GRM7: variants seen among roughly 807,000 people sequenced by gnomAD.
GRM7 encodes the protein glutamate metabotropic receptor 7.
Under a neutral mutation model 84.5 loss-of-function variants are expected in GRM7, and 35 were observed. The observed-to-expected ratio is 0.41, with a 90% CI of 0.32 to 0.55. The LOEUF (loss-of-function observed/expected upper bound fraction) is 0.55, where lower values mean the gene tolerates loss of function less well. Among genes scored for constraint, GRM7 ranks in the 20% least tolerant of loss-of-function variants. GRM7 has a pLI of 0.19. For missense variants in GRM7, 1,003 were observed against 1,194.6 expected (o/e 0.84, Z 2.36); for synonymous variants, 487 against 455.1 (o/e 1.07, Z -0.89).
At chr3:7,621,622 C>G (rs548333003) in intron 8 of GRM7, among the ~76,000 whole-genome samples, 1 of 152,062 alleles carries the variant, frequency 6.6e-6, no homozygotes, top group African/African-American at 2.4e-5. Flanking sequence ...TTTTAAGATG[C>G]ATCCTCAAAT....
intron 1 of GRM7, among the ~76,000 whole-genome samples, chr3:7,050,538 G>A (rs1051357736): frequency 6.6e-6 from 1 of 151,742 alleles, no homozygotes; most frequent in Non-Finnish European, 1.5e-5. Context: ...TGATGTAATT[G>A]GTCAAGTAGA....
intron 2 of GRM7, among the ~76,000 whole-genome samples, chr3:7,157,389 G>C (rs1336946156): frequency 6.6e-6 from 1 of 151,976 alleles, no homozygotes; most frequent in Non-Finnish European, 1.5e-5. Flanking sequence ...CTCTGTTCTT[G>C]TAGTGCACAT....
chr3:7,231,227 A>G (rs1472912), intron 2 of GRM7, among the ~76,000 whole-genome samples: 55,562 of 152,048 alleles, frequency 0.37, 12,183 homozygotes, highest in Admixed American at 0.52. Flanking sequence ...CTGGACTTCA[A>G]TCAGTTTTCC....
chr3:6,941,923 C>T lies in GRM7; in HGVS notation c.519+80016C>T, dbSNP rs187954207. On this transcript the variant is annotated intron_variant, in intron 1 of 9. Transcript: ENST00000357716. ...TAACTATTGTAAAATTTGACAAGTACCGTTTTAGTCGTATGAACAGAATAG... is the reference window on the plus strand; with the variant it reads ...TAACTATTGTAAAATTTGACAAGTATCGTTTTAGTCGTATGAACAGAATAG... Among the ~76,000 whole-genome samples the T allele has an allele frequency of 6.6e-5, 10 of 152,238 alleles. No homozygotes were observed. In the East Asian group the frequency reaches 1.9e-3, roughly 29 times the overall value.
intron 1 of GRM7, among the ~76,000 whole-genome samples, chr3:7,053,686 T>TG (rs1226892535): frequency 1.3e-5 from 2 of 150,748 alleles, no homozygotes; most frequent in African/African-American, 2.4e-5. Flanking sequence ...GTATGAAGGC[T>TG]TTTTTTTTCT....
intron 1 of GRM7, among the ~76,000 whole-genome samples, chr3:6,882,513 C>T (rs1476754215): frequency 6.6e-6 from 1 of 151,942 alleles, no homozygotes; most frequent in Non-Finnish European, 1.5e-5. Context: ...ACCACTGCCC[C>T]CCGGCCTGGA....
chr3:7,292,926 C>G (rs1041111652), intron 2 of GRM7, among the ~76,000 whole-genome samples: 1 of 149,326 alleles, frequency 6.7e-6, no homozygotes, highest in Non-Finnish European at 1.5e-5. Context: ...CCCAGTTGCT[C>G]GGGGGGCCAA....
Position 7,739,144 on chromosome 3 carries a change from G to A in GRM7, c.2699-1213G>A, listed in dbSNP as rs928315102. Among the ~76,000 whole-genome samples the A allele has an allele frequency of 8.5e-5, 13 of 152,202 alleles. 1 individual carries two copies. Among genetic ancestry groups the A allele is most frequent in the East Asian group, 1.9e-4 (1 of 5,198 alleles). On this transcript the variant is annotated intron_variant, in intron 9 of 9. Coordinates refer to ENST00000357716, the MANE Select transcript of GRM7 (RefSeq NM_000844.4). ...AACAAAAATGAGGCTTCAAGTCAAA[G>A]TTTGTCAGAGAATCCCAATTTTTAA...
chr3:7,128,892 C>T (rs1027601489), intron 1 of GRM7, among the ~76,000 whole-genome samples: 1 of 152,016 alleles, frequency 6.6e-6, no homozygotes, highest in African/African-American at 2.4e-5. Context: ...GAAAAGAGCA[C>T]AGGAACCTCA....
chr3:7,413,992 A>G (rs1487617339), intron 4 of GRM7, among the ~76,000 whole-genome samples: 2 of 152,196 alleles, frequency 1.3e-5, no homozygotes, highest in Non-Finnish European at 2.9e-5. Context: ...AATTAGGCAG[A>G]TGTAGGTCCA....
chr3:7,680,583 T>A, intron 9 of GRM7: 1 of 394,094 alleles, frequency 2.5e-6, no homozygotes, highest in Non-Finnish European at 4.6e-6. Flanking sequence ...AACTGACAAA[T>A]GCACCTATCA....
chr3:7,565,444 C>A (rs562206392), intron 7 of GRM7, among the ~76,000 whole-genome samples: 3 of 152,150 alleles, frequency 2.0e-5, no homozygotes, highest in Non-Finnish European at 4.4e-5. Flanking sequence ...GAAGAGGTAT[C>A]TTTATGAATA....
Position 7,596,540 on chromosome 3 carries a change from T to A in GRM7, c.2451+17183T>A, listed in dbSNP as rs538430615. Reference sequence around the variant, plus strand: ...GTAGCAAAGGAGCTGAAAATGAATATCATAATAGAGAAGAGGGTAAATGGG... The same window carrying A: ...GTAGCAAAGGAGCTGAAAATGAATAACATAATAGAGAAGAGGGTAAATGGG... On this transcript the variant is annotated intron_variant, in intron 8 of 9. Coordinates refer to ENST00000357716, the MANE Select transcript of GRM7 (RefSeq NM_000844.4). 3.3e-5 allele frequency among the ~76,000 whole-genome samples: 5 copies of A among 152,094 alleles called. No homozygotes were observed. In the East Asian group the frequency reaches 9.7e-4, roughly 29 times the overall value.
chr3:7,580,816 T>C (rs1695212915), intron 8 of GRM7, among the ~76,000 whole-genome samples: 1 of 152,152 alleles, frequency 6.6e-6, no homozygotes, highest in East Asian at 1.9e-4. Flanking sequence ...AATATCATTT[T>C]ATTTCTTCTG....
At chr3:7,484,458 T>A (rs745975365) in intron 7 of GRM7, among the ~76,000 whole-genome samples, 1 of 152,208 alleles carries the variant, frequency 6.6e-6, no homozygotes, top group Non-Finnish European at 1.5e-5. Flanking sequence ...TATGTGTCAA[T>A]ACCCATAAAG....
intron 8 of GRM7, among the ~76,000 whole-genome samples, chr3:7,676,348 G>T (rs1222215287): frequency 6.6e-6 from 1 of 152,044 alleles, no homozygotes; most frequent in East Asian, 1.9e-4. Context: ...AGATCTCTGT[G>T]GACTGAAGCC....
At chr3:7,005,645 G>T (rs1695156984) in intron 1 of GRM7, among the ~76,000 whole-genome samples, 1 of 152,170 alleles carries the variant, frequency 6.6e-6, no homozygotes, top group African/African-American at 2.4e-5. Flanking sequence ...GATATTGATA[G>T]TTAGCCATTG....
chr3:7,713,114 A>ATTTTTTTTTTTTTTTT (rs1165234212), intron 9 of GRM7, among the ~76,000 whole-genome samples: 2 of 129,906 alleles, frequency 1.5e-5, no homozygotes, highest in African/African-American at 3.1e-5. Context: ...GAGGATTCGA[A>ATTTTTTTTTTTTTTTT]TTTTGTTTTG....
intron 1 of GRM7, among the ~76,000 whole-genome samples, chr3:6,864,451 A>C (rs541219868): frequency 1.3e-5 from 2 of 152,310 alleles, no homozygotes; most frequent in African/African-American, 4.8e-5. Context: ...AAATGAGTAG[A>C]GAGAATAATG....
Sources: allele counts gnomAD v4.1 joint callset (sites outside exome capture counted in the v4.1 genomes callset), GRCh38; gene constraint gnomAD v4.1.1; transcripts MANE v1.5; gene names NCBI Gene and HGNC (gene_info 2026-07-23, HGNC 2026-07-21).